SLC24A2: variants seen among roughly 807,000 people sequenced by gnomAD.
SLC24A2 encodes solute carrier family 24 member 2.
In SLC24A2, 36 loss-of-function variants were observed where a neutral mutation model predicts 62.0. The ratio of observed to expected loss-of-function variants is 0.58; its 90% confidence interval spans 0.44 to 0.77. The LOEUF is 0.77. Ranked by LOEUF, SLC24A2 falls within the 30% of genes least tolerant of loss-of-function variation. SLC24A2 has a pLI of 0.00. For synonymous variants in SLC24A2, 358 were observed against 294.0 expected (o/e 1.22, Z -2.23); for missense variants, 846 against 817.9 (o/e 1.03, Z -0.42).
At chr9:19,752,454 G>C (rs1159132433) in intron 2 of SLC24A2, among the ~76,000 whole-genome samples, 6 of 150,998 alleles carry the variant, frequency 4.0e-5, no homozygotes, top group Non-Finnish European at 7.4e-5. Context: ...CAAGGGTTAA[G>C]TCTGTCAAAG....
chr9:20,020,587 G>A, the SLC24A2 span, among the ~76,000 whole-genome samples: 1 of 152,158 alleles, frequency 6.6e-6, no homozygotes, highest in South Asian at 2.1e-4. Context: ...GGGGGGCTAG[G>A]GGAGGGATAG....
the SLC24A2 span, among the ~76,000 whole-genome samples, chr9:20,115,813 A>G: frequency 1.3e-5 from 2 of 152,170 alleles, no homozygotes; most frequent in Non-Finnish European, 2.9e-5. Flanking sequence ...AATTTCTCCC[A>G]TCTTCTTCAT....
At chr9:19,592,012 CT>C (rs1836567411) in intron 5 of SLC24A2, among the ~76,000 whole-genome samples, 1 of 152,190 alleles carries the variant, frequency 6.6e-6, no homozygotes, top group Non-Finnish European at 1.5e-5. Flanking sequence ...AAAAACATTG[CT>C]GAATGGTATT....
the SLC24A2 span, among the ~76,000 whole-genome samples, chr9:19,930,678 A>C: frequency 1.3e-5 from 2 of 152,194 alleles, no homozygotes; most frequent in Admixed American, 6.5e-5. Context: ...TATTTACTAA[A>C]GGTATTATAA....
At chr9:19,563,642 G>A (rs1835509172) in intron 7 of SLC24A2, among the ~76,000 whole-genome samples, 1 of 152,096 alleles carries the variant, frequency 6.6e-6, no homozygotes, top group East Asian at 1.9e-4. Flanking sequence ...CAACAGTGAC[G>A]ATGCCAATCT....
chr9:19,882,399 C>A, the SLC24A2 span, among the ~76,000 whole-genome samples: 41 of 151,970 alleles, frequency 2.7e-4, no homozygotes, highest in African/African-American at 9.7e-4. Context: ...TGTTCCAGTT[C>A]TTTGCCCTTT....
chr9:20,068,938 A>G, the SLC24A2 span, among the ~76,000 whole-genome samples: 1 of 152,122 alleles, frequency 6.6e-6, no homozygotes, highest in Non-Finnish European at 1.5e-5. Flanking sequence ...TCACTGATGC[A>G]TCAAACCTAC....
At chr9:19,704,867 C>G (rs138427182) in intron 2 of SLC24A2, among the ~76,000 whole-genome samples, 159 of 149,004 alleles carry the variant, frequency 1.1e-3, no homozygotes, top group Admixed American at 5.4e-3. Context: ...AAACTGCCAA[C>G]TGGGAAAGTA....
Position 19,776,627 on chromosome 9 carries a change from T to C in SLC24A2, c.930+9310A>G, listed in dbSNP as rs905917841. Among the ~76,000 whole-genome samples the C allele has an allele frequency of 2.0e-5, 3 of 152,222 alleles. No homozygotes were observed. In the South Asian group the frequency reaches 6.2e-4, roughly 31 times the overall value. ...CATGCACGTTGTTCTTCCATCTGTC[T>C]GGAAGAGCTACCTCCCACAGCATGC... On this transcript the variant is annotated intron_variant, in intron 2 of 10. Transcript: ENST00000341998.
In SLC24A2 at chr9:19,512,740, AGATT is replaced by A. The variant is rs1832763752; in HGVS notation, c.*3409_*3412del. Reference sequence around the variant, plus strand: ...CATTTGCGTGCAACTCATTTATTTTAGATTGATTAGTACAATGTTGGCTCTTGAA... The same window carrying A: ...CATTTGCGTGCAACTCATTTATTTTAGATTAGTACAATGTTGGCTCTTGAA... On this transcript the variant is annotated 3_prime_UTR_variant, in exon 11 of 11. Transcript: ENST00000341998. 1 of 152,184 alleles carries A rather than the reference AGATT, an allele frequency of 6.6e-6. No homozygotes were observed. The highest frequency in any genetic ancestry group is 1.5e-5 in the Non-Finnish European group (1 of 68,028). 9.4% of individuals were successfully genotyped at this position (152,184 alleles called of 1,614,324 possible).
intron 2 of SLC24A2, among the ~76,000 whole-genome samples, chr9:19,640,539 C>T (rs1309724386): frequency 6.6e-6 from 1 of 151,964 alleles, no homozygotes; most frequent in Non-Finnish European, 1.5e-5. Context: ...GAATGTCTCA[C>T]TTTGTCTCCT....
At chr9:20,215,384 T>A in the SLC24A2 span, among the ~76,000 whole-genome samples, 1 of 152,056 alleles carries the variant, frequency 6.6e-6, no homozygotes, top group Non-Finnish European at 1.5e-5. Context: ...TATCGAGAAC[T>A]ATGTTATAAA....
the SLC24A2 span, among the ~76,000 whole-genome samples, chr9:20,105,192 A>T: frequency 1.3e-5 from 2 of 152,228 alleles, no homozygotes; most frequent in African/African-American, 4.8e-5. Context: ...ACCCAGATTC[A>T]TAAAGCAAGT....
the SLC24A2 span, among the ~76,000 whole-genome samples, chr9:20,094,130 C>G: frequency 6.6e-6 from 1 of 152,112 alleles, no homozygotes; most frequent in African/African-American, 2.4e-5. Context: ...AGAATCAACA[C>G]AGTGACATTA....
At chr9:19,866,532 A>G in the SLC24A2 span, among the ~76,000 whole-genome samples, 1 of 151,876 alleles carries the variant, frequency 6.6e-6, no homozygotes, top group Non-Finnish European at 1.5e-5. Flanking sequence ...AAATATAGCG[A>G]GATTCAGTCA....
intron 2 of SLC24A2, among the ~76,000 whole-genome samples, chr9:19,680,179 T>A (rs1819679495): frequency 6.6e-6 from 1 of 152,100 alleles, no homozygotes; most frequent in South Asian, 2.1e-4. Context: ...GTACTGAAAG[T>A]AGGCCGAGGT....
the SLC24A2 span, among the ~76,000 whole-genome samples, chr9:20,091,153 G>GA: frequency 1.8e-4 from 27 of 148,552 alleles, no homozygotes; most frequent in Admixed American, 3.3e-4. Flanking sequence ...AAAAGAAAAA[G>GA]AAAAAAAAAG....
chr9:19,958,000 C>G, the SLC24A2 span: 3 of 152,680 alleles, frequency 2.0e-5, no homozygotes, highest in Non-Finnish European at 4.4e-5. Context: ...CCTTCACCAC[C>G]AGGATCTTGT....
chr9:20,019,171 A>AGAC, the SLC24A2 span, among the ~76,000 whole-genome samples: 1 of 137,836 alleles, frequency 7.3e-6, no homozygotes, highest in African/African-American at 2.6e-5. Flanking sequence ...GAGAGACAGA[A>AGAC]AGAAAGAAAG....
Sources: allele counts gnomAD v4.1 joint callset (sites outside exome capture counted in the v4.1 genomes callset), GRCh38; gene constraint gnomAD v4.1.1; transcripts MANE v1.5; gene names NCBI Gene and HGNC (gene_info 2026-07-23, HGNC 2026-07-21).